Variants in KLF13 observed in about 807,000 individuals in gnomAD.
The protein encoded by KLF13 is KLF transcription factor 13, also known as Krueppel-like factor 13.
A neutral mutation model predicts 16.7 loss-of-function variants in KLF13; 8 were observed. That is an observed-to-expected ratio of 0.48 (90% CI 0.28 to 0.87). KLF13 has a LOEUF of 0.87. Among genes scored for constraint, KLF13 ranks in the 40% least tolerant of loss-of-function variants. The probability of loss-of-function intolerance (pLI) is 0.10; values close to 1 mark genes in which losing one functional copy is unlikely to be tolerated. For missense variants in KLF13, 447 were observed against 452.2 expected (o/e 0.99, Z 0.10); for synonymous variants, 245 against 208.4 (o/e 1.18, Z -1.51).
intron 1 of KLF13, among the ~76,000 whole-genome samples, chr15:31,431,076 C>T (rs8039613): frequency 0.12 from 18,801 of 152,118 alleles, 3,394 homozygotes; most frequent in African/African-American, 0.4. Context: ...TTAGGTCATA[C>T]GGGTGGACCT....
At chr15:31,355,529 T>G (rs895231311) in intron 1 of KLF13, among the ~76,000 whole-genome samples, 5 of 152,230 alleles carry the variant, frequency 3.3e-5, no homozygotes, top group African/African-American at 1.2e-4. Context: ...CTTCAGCTAC[T>G]GCCTTTGGTA....
At chr15:31,419,152 G>T (rs2040290856) in intron 1 of KLF13, among the ~76,000 whole-genome samples, 1 of 152,048 alleles carries the variant, frequency 6.6e-6, no homozygotes, top group Admixed American at 6.6e-5. Flanking sequence ...AGAATCCCTA[G>T]CTGGGTGACT....
At chr15:31,411,404 T>C (rs76272116) in intron 1 of KLF13, among the ~76,000 whole-genome samples, 89 of 151,170 alleles carry the variant, frequency 5.9e-4, no homozygotes, top group Admixed American at 1.2e-3. Flanking sequence ...TTTTTTCTTT[T>C]TTTTTTTTTG....
At chr15:31,362,935 A>T (rs1043737934) in intron 1 of KLF13, among the ~76,000 whole-genome samples, 1 of 152,208 alleles carries the variant, frequency 6.6e-6, no homozygotes, top group African/African-American at 2.4e-5. Flanking sequence ...AATTTATTTG[A>T]CAGGCCCCAG....
At chr15:31,391,597 C>G (rs1008647421), upstream of KLF13, among the ~76,000 whole-genome samples, 1 of 151,866 alleles carries the variant, frequency 6.6e-6, no homozygotes, top group African/African-American at 2.4e-5. Context: ...GATTGCCCCC[C>G]ACCCCGCCCC....
Position 31,327,260 on chromosome 15 carries a change from G to A in KLF13, c.48G>A (p.Val16=). The A allele has an allele frequency of 7.3e-7, 1 of 1,375,596 alleles. No homozygotes were observed. Among genetic ancestry groups the A allele is most frequent in the Non-Finnish European group, 9.4e-7 (1 of 1,062,858 alleles). 85.2% of individuals were successfully genotyped at this position (1,375,596 alleles called of 1,614,324 possible). The change falls in exon 1 of 2, where the codon GTG becomes GTA. Residue 16 remains valine (V), a synonymous_variant. Transcript: ENST00000307145. ...YVDHFAAECL[V]SMSSRAVVHG... ...ACCACTTCGCCGCCGAGTGCCTCGT[G>A]TCCATGTCGAGCCGCGCGGTCGTGC... is the stretch of plus-strand genomic sequence containing the variant.
chr15:31,390,124 C>G (rs976477126), upstream of KLF13, among the ~76,000 whole-genome samples: 1 of 151,988 alleles, frequency 6.6e-6, no homozygotes, highest in Non-Finnish European at 1.5e-5. Flanking sequence ...GTTTTGCCAC[C>G]CTTTTATTCT....
rs146922036 is a variant in KLF13, at chr15:31,434,582, G to A, written n.118-788G>A. Among the ~76,000 whole-genome samples, 3 of 152,334 alleles carry A rather than the reference G, an allele frequency of 2.0e-5. No individual in the cohort carries two copies. In the East Asian group the frequency reaches 5.8e-4, roughly 29 times the overall value. ...TCTCAGGGGCGTGGAAGGGACTTTT[G>A]AGTTTGAGAATGACGTGTCTGGAGC... On this transcript the variant is annotated intron_variant and non_coding_transcript_variant, in intron 1 of 1. Transcript: ENST00000558225.
intron 1 of KLF13, among the ~76,000 whole-genome samples, chr15:31,415,128 G>C (rs937481543): frequency 3.3e-5 from 5 of 152,120 alleles, no homozygotes; most frequent in South Asian, 4.2e-4. Flanking sequence ...GTACACGTCC[G>C]CTCCCCTTTG....
intron 1 of KLF13, among the ~76,000 whole-genome samples, chr15:31,410,481 T>G (rs2040178678): frequency 6.6e-6 from 1 of 152,030 alleles, no homozygotes; most frequent in African/African-American, 2.4e-5. Flanking sequence ...CAATCCAAAT[T>G]GTATGTTGTC....
intron 2 of KLF13, among the ~76,000 whole-genome samples, chr15:31,400,854 G>C (rs1158857347): frequency 1.3e-5 from 2 of 152,136 alleles, no homozygotes; most frequent in African/African-American, 4.8e-5. Flanking sequence ...GGATGCGATG[G>C]CTGTGACATG....
chr15:31,390,901 C>T (rs879865992), upstream of KLF13, among the ~76,000 whole-genome samples: 3 of 151,724 alleles, frequency 2.0e-5, no homozygotes, highest in Non-Finnish European at 4.4e-5. Flanking sequence ...TCCCCTAAGA[C>T]CCAGACCACA....
intron 1 of KLF13, among the ~76,000 whole-genome samples, chr15:31,421,345 G>C (rs771008051): frequency 6.6e-6 from 1 of 152,142 alleles, no homozygotes; most frequent in Non-Finnish European, 1.5e-5. Flanking sequence ...TCAGTAAAGG[G>C]AGGTATATGG....
In KLF13 at chr15:31,375,630, TC is replaced by T. The variant is rs1298213365; in HGVS notation, c.*3334del. 1 of 152,158 alleles carries T rather than the reference TC, an allele frequency of 6.6e-6. No homozygotes were observed. The allele number at this position is 152,158 out of a possible 1,614,324, so 9.4% of individuals were successfully genotyped here. On this transcript the variant is annotated 3_prime_UTR_variant, in exon 2 of 2. Transcript: ENST00000307145. ...CATCAAGGGGCTGGTGTTGCTCCTG[TC>T]CCAGACAAGGAAGCCCCTCTTTACA...
chr15:31,344,413 G>A (rs2140941859), intron 1 of KLF13, among the ~76,000 whole-genome samples: 1 of 99,832 alleles, frequency 1.0e-5, no homozygotes, highest in East Asian at 3.1e-4. Flanking sequence ...GGCTCCAGGG[G>A]AGGTGGCAGG....
At position 31,372,433 on chromosome 15, in the gene KLF13, G is replaced by T. The variant is rs959116500; in HGVS notation, c.*134G>T. The T allele has an allele frequency of 2.9e-6, 3 of 1,029,952 alleles. No individual in the cohort carries two copies. The highest frequency in any genetic ancestry group is 3.3e-4 in the Middle Eastern group (1 of 2,994). 63.8% of individuals were successfully genotyped at this position (1,029,952 alleles called of 1,614,324 possible). ...AATTTTTTTCACCTCAGGTGTCAAAGTAAATTTGTTAAAAAAACAAAAAAA... is the reference window on the plus strand; with the variant it reads ...AATTTTTTTCACCTCAGGTGTCAAATTAAATTTGTTAAAAAAACAAAAAAA... On this transcript the variant is annotated 3_prime_UTR_variant, in exon 2 of 2. Coordinates refer to ENST00000307145, the MANE Select transcript of KLF13 (RefSeq NM_015995.4).
intron 1 of KLF13, among the ~76,000 whole-genome samples, chr15:31,362,255 G>A (rs985980654): frequency 4.6e-5 from 7 of 152,190 alleles, no homozygotes; most frequent in African/African-American, 1.7e-4. Flanking sequence ...AAACTGCTGG[G>A]CCTATCAAAC....
intron 1 of KLF13, among the ~76,000 whole-genome samples, chr15:31,336,081 C>T (rs765855520): frequency 2.0e-5 from 3 of 152,218 alleles, no homozygotes; most frequent in Non-Finnish European, 4.4e-5. Context: ...GAGCTTCTCC[C>T]CCGACCCCAG....
At chr15:31,410,744 C>T (rs35040428) in intron 1 of KLF13, among the ~76,000 whole-genome samples, 1 of 151,996 alleles carries the variant, frequency 6.6e-6, no homozygotes, top group South Asian at 2.1e-4. Context: ...ATGTATATGC[C>T]TAACAACAGA....
Sources: gnomAD v4.1 joint callset for allele counts (sites outside exome capture counted in the v4.1 genomes callset) on GRCh38, gnomAD v4.1.1 for gene constraint, MANE v1.5 for transcripts, NCBI Gene and HGNC (gene_info 2026-07-23, HGNC 2026-07-21) for gene names.